Variants in IL7 observed in about 807,000 individuals in gnomAD.
IL7 encodes interleukin-7.
Under a neutral mutation model 21.6 loss-of-function variants are expected in IL7, and 3 were observed. That is an observed-to-expected ratio of 0.14 (90% confidence interval 0.06 to 0.36). The LOEUF is 0.36. IL7 is among the 10% of genes least tolerant of loss of function. IL7 has a pLI of 1.00. For synonymous variants in IL7, 62 were observed against 68.1 expected (o/e 0.91, Z 0.44); for missense variants, 175 against 200.2 (o/e 0.87, Z 0.76).
intron 1 of IL7, among the ~76,000 whole-genome samples, chr8:78,801,894 A>G (rs2130853237): frequency 1.3e-5 from 2 of 152,280 alleles, no homozygotes; most frequent in Admixed American, 1.3e-4. Flanking sequence ...CCTTTCTCCT[A>G]CATCACATAG....
intron 5 of IL7, among the ~76,000 whole-genome samples, chr8:78,720,163 G>T (rs538552145): frequency 2.0e-5 from 3 of 151,924 alleles, no homozygotes; most frequent in African/African-American, 7.2e-5. Context: ...TGAAATTTCA[G>T]ATTAGACATG....
intron 3 of IL7, among the ~76,000 whole-genome samples, chr8:78,693,308 C>A (rs1297057425): frequency 1.3e-5 from 2 of 151,250 alleles, no homozygotes; most frequent in Non-Finnish European, 3.0e-5. Context: ...AATCACCACA[C>A]TGACTTCCAC....
At chr8:78,692,978 G>A (rs1050348696) in intron 3 of IL7, among the ~76,000 whole-genome samples, 15 of 151,910 alleles carry the variant, frequency 9.9e-5, no homozygotes, top group African/African-American at 1.9e-4. Context: ...GAGAACATGC[G>A]GTGTTTGGTT....
At chr8:78,715,280 G>C, downstream of IL7, 1 of 1,613,816 alleles carries the variant, frequency 6.2e-7, no homozygotes, top group Non-Finnish European at 8.5e-7. Context: ...CCTGCCCCAG[G>C]TGTGCTTACA....
chr8:78,701,809 G>A (rs2086755), intron 3 of IL7, among the ~76,000 whole-genome samples: 119,649 of 152,186 alleles, frequency 0.79, 47,358 homozygotes, highest in East Asian at 0.91. Flanking sequence ...TTGCATATGC[G>A]GAGTCAACCT....
In IL7 at chr8:78,733,045, T is replaced by G. The variant is rs1811463035; in HGVS notation, c.*668A>C. Reference sequence around the variant, plus strand: ...TAGGTGAATTTATTTTTATTTTATTTTATTTTTTTGAAATTGTCCTTTTTT... The same window carrying G: ...TAGGTGAATTTATTTTTATTTTATTGTATTTTTTTGAAATTGTCCTTTTTT... On this transcript the variant is annotated 3_prime_UTR_variant, in exon 6 of 6. Coordinates refer to ENST00000263851, the MANE Select transcript of IL7 (RefSeq NM_000880.4). The G allele has an allele frequency of 6.6e-6, 1 of 152,136 alleles. No individual in the cohort carries two copies. The highest frequency in any genetic ancestry group is 1.5e-5 in the Non-Finnish European group (1 of 67,986). The allele number at this position is 152,136 out of a possible 1,614,324, so 9.4% of individuals were successfully genotyped here.
At chr8:78,711,368 A>G (rs543689246) in intron 3 of IL7, among the ~76,000 whole-genome samples, 21 of 152,132 alleles carry the variant, frequency 1.4e-4, no homozygotes, top group East Asian at 1.9e-4. Context: ...ATTTTGGTCA[A>G]AATGTGTGTG....
chr8:78,676,098 C>T lies in IL7; in HGVS notation n.280G>A, dbSNP rs767206593. The T allele has an allele frequency of 2.1e-4, 72 of 338,804 alleles. 1 individual carries two copies. Among genetic ancestry groups the T allele is most frequent in the African/African-American group, 2.8e-4 (13 of 46,356 alleles). The allele number at this position is 338,804 out of a possible 1,614,324, so 21.0% of individuals were successfully genotyped here. ...AAGTTTAAAGGTATTCCTCATTTTA[C>T]GAGACTCTTACCAAAAACAAACAAA... On this transcript the variant is annotated non_coding_transcript_exon_variant, in exon 5 of 5. Transcript: ENST00000523959.
At chr8:78,777,364 AGGG>A (rs1813166038) in intron 2 of IL7, among the ~76,000 whole-genome samples, 1 of 152,074 alleles carries the variant, frequency 6.6e-6, no homozygotes, top group Non-Finnish European at 1.5e-5. Context: ...CCTATAAAAA[AGGG>A]CAATCTGAAA....
intron 2 of IL7, among the ~76,000 whole-genome samples, chr8:78,765,206 A>G (rs1237282183): frequency 6.6e-6 from 1 of 152,136 alleles, no homozygotes; most frequent in Non-Finnish European, 1.5e-5. Context: ...ACTTCAATGT[A>G]AAATGCAAGA....
chr8:78,751,415 G>A (rs1812168580), intron 2 of IL7, among the ~76,000 whole-genome samples: 1 of 152,178 alleles, frequency 6.6e-6, no homozygotes, highest in Non-Finnish European at 1.5e-5. Context: ...CTTCAAAAGT[G>A]AAGGAGGAAT....
At chr8:78,707,148 G>C (rs899745228) in intron 3 of IL7, among the ~76,000 whole-genome samples, 1 of 152,164 alleles carries the variant, frequency 6.6e-6, no homozygotes, top group African/African-American at 2.4e-5. Flanking sequence ...CCATATCACA[G>C]AGAATTGGCC....
chr8:78,796,186 A>G (rs1466424277), intron 2 of IL7, among the ~76,000 whole-genome samples: 2 of 152,060 alleles, frequency 1.3e-5, no homozygotes, highest in Non-Finnish European at 2.9e-5. Flanking sequence ...CTAATAATCA[A>G]CAACAGACTT....
intron 3 of IL7, among the ~76,000 whole-genome samples, chr8:78,700,871 A>G (rs914793804): frequency 1.5e-4 from 23 of 151,896 alleles, no homozygotes; most frequent in African/African-American, 5.3e-4. Context: ...ATGTTCCAGT[A>G]CCATGCTGTT....
chr8:78,756,802 G>C (rs993366405), intron 2 of IL7, among the ~76,000 whole-genome samples: 37 of 151,450 alleles, frequency 2.4e-4, no homozygotes, highest in African/African-American at 8.7e-4. Flanking sequence ...TTTCCAAGTG[G>C]TTTATGTTTA....
At chr8:78,695,871 A>G (rs778776711) in intron 3 of IL7, among the ~76,000 whole-genome samples, 2 of 152,194 alleles carry the variant, frequency 1.3e-5, no homozygotes, top group Non-Finnish European at 2.9e-5. Flanking sequence ...GTTTATCAAG[A>G]TTTAACTTTT....
At chr8:78,781,131 C>G (rs1191958217) in intron 2 of IL7, among the ~76,000 whole-genome samples, 1 of 152,172 alleles carries the variant, frequency 6.6e-6, no homozygotes, top group Non-Finnish European at 1.5e-5. Context: ...AGATGTGTCT[C>G]TTAAATACAG....
chr8:78,760,740 T>C, intron 2 of IL7: 1 of 1,570,030 alleles, frequency 6.4e-7, no homozygotes, highest in Non-Finnish European at 8.6e-7. Flanking sequence ...GATTCCAAGT[T>C]ACCCTGGTGA....
At chr8:78,697,431 T>C (rs930890359) in intron 3 of IL7, 2 of 1,602,322 alleles carry the variant, frequency 1.2e-6, no homozygotes, top group African/African-American at 2.7e-5. Context: ...ACTTAAAAAG[T>C]CAAATTCTCC....
Sources: gnomAD v4.1 joint callset for allele counts (sites outside exome capture counted in the v4.1 genomes callset) on GRCh38, gnomAD v4.1.1 for gene constraint, MANE v1.5 for transcripts, NCBI Gene and HGNC (gene_info 2026-07-23, HGNC 2026-07-21) for gene names.